The following CCSER1 variants were observed in gnomAD, a reference collection of about 807,000 sequenced individuals.
CCSER1 encodes serine-rich coiled-coil domain-containing protein 1.
Under a neutral mutation model 82.0 loss-of-function variants are expected in CCSER1, and 41 were observed. The observed-to-expected ratio is 0.50, with a 90% CI of 0.39 to 0.65. The LOEUF is 0.65. Ranked by LOEUF, CCSER1 falls within the 30% of genes least tolerant of loss-of-function variation. The pLI is 0.00. For synonymous variants in CCSER1, 414 were observed against 383.9 expected, an observed-to-expected ratio of 1.08 and a Z score of -0.92; for missense variants, 1,119 against 1,064.2, an observed-to-expected ratio of 1.05 and a Z score of -0.72.
At chr4:91,409,832 G>A (rs970309006) in intron 10 of CCSER1, among the ~76,000 whole-genome samples, 11 of 152,020 alleles carry the variant, frequency 7.2e-5, no homozygotes, top group Admixed American at 1.3e-4. Context: ...ACAGGCGCCT[G>A]CCACCATGAC....
chr4:90,404,078 G>C (rs951315030), intron 4 of CCSER1: 1 of 152,214 alleles, frequency 6.6e-6, no homozygotes, highest in Non-Finnish European at 1.5e-5. Context: ...TCTCAGTTCT[G>C]GTCACTGGCT....
chr4:90,959,622 G>A (rs1733862328), intron 9 of CCSER1, among the ~76,000 whole-genome samples: 1 of 151,938 alleles, frequency 6.6e-6, no homozygotes, highest in African/African-American at 2.4e-5. Context: ...GAGAAAACTA[G>A]GCATCATAGA....
chr4:91,213,292 C>T (rs551016109), intron 10 of CCSER1, among the ~76,000 whole-genome samples: 1 of 151,724 alleles, frequency 6.6e-6, no homozygotes, highest in African/African-American at 2.4e-5. Flanking sequence ...TTGTTTTGTT[C>T]TAGGGACTTG....
chr4:90,635,324 G>A (rs13133309), intron 6 of CCSER1, among the ~76,000 whole-genome samples: 17,816 of 151,454 alleles, frequency 0.12, 1,230 homozygotes, highest in Middle Eastern at 0.19. Context: ...CACACAATAA[G>A]TCCCATTAAA....
At chr4:91,194,535 G>T (rs1249799802) in intron 10 of CCSER1, among the ~76,000 whole-genome samples, 2 of 152,134 alleles carry the variant, frequency 1.3e-5, no homozygotes, top group East Asian at 3.9e-4. Context: ...TTTGGGATGG[G>T]AAAATTGAGA....
At chr4:91,006,369 T>G in intron 9 of CCSER1, among the ~76,000 whole-genome samples, 1 of 67,662 alleles carries the variant, frequency 1.5e-5, no homozygotes, top group Admixed American at 1.4e-4. Flanking sequence ...CTGAATTCAC[T>G]AGTTCTAACA....
At position 90,915,834 on chromosome 4, in the gene CCSER1, A is replaced by G. The variant is rs538269906; in HGVS notation, c.2095-7536A>G. ...AGCAAAGTCTCAGGATACAAAATCAATGTGCAAAAATCACAAGCATTCTTA... is the reference window on the plus strand; with the variant it reads ...AGCAAAGTCTCAGGATACAAAATCAGTGTGCAAAAATCACAAGCATTCTTA... On this transcript the variant is annotated intron_variant, in intron 8 of 10. Coordinates refer to ENST00000509176, the MANE Select transcript of CCSER1 (RefSeq NM_001145065.2). Among the ~76,000 whole-genome samples, 21 of 152,178 alleles carry G rather than the reference A, an allele frequency of 1.4e-4. No homozygotes were observed. The East Asian group carries it at 2.3e-3, about 17-fold the overall frequency.
intron 10 of CCSER1, among the ~76,000 whole-genome samples, chr4:91,446,597 G>C (rs1415744646): frequency 1.3e-5 from 2 of 149,142 alleles, no homozygotes; most frequent in Non-Finnish European, 3.0e-5. Flanking sequence ...GTGTGTGTGT[G>C]TGCATCTTTG....
chr4:91,312,049 CAT>C (rs764383097), intron 10 of CCSER1, among the ~76,000 whole-genome samples: 5 of 151,728 alleles, frequency 3.3e-5, no homozygotes, highest in Non-Finnish European at 4.4e-5. Flanking sequence ...AAACATCAAA[CAT>C]GTGAAAACTT....
At chr4:90,337,107 C>T (rs1870796) in intron 3 of CCSER1, among the ~76,000 whole-genome samples, 45,945 of 152,102 alleles carry the variant, frequency 0.3, 7,098 homozygotes, top group East Asian at 0.44. Context: ...CAGTTCTCTA[C>T]TCACTTCCAT....
At chr4:91,375,880 A>T (rs1194165770) in intron 10 of CCSER1, among the ~76,000 whole-genome samples, 4 of 152,144 alleles carry the variant, frequency 2.6e-5, no homozygotes, top group Non-Finnish European at 5.9e-5. Flanking sequence ...AAAATATTGC[A>T]TTATACCTCA....
At chr4:90,908,785 AAGGAG>A (rs1725887236) in intron 8 of CCSER1, among the ~76,000 whole-genome samples, 3 of 152,112 alleles carry the variant, frequency 2.0e-5, no homozygotes, top group African/African-American at 4.8e-5. Flanking sequence ...TGTGTTCAAG[AAGGAG>A]ACTGATGTGA....
chr4:90,998,587 T>C (rs1737711935), intron 9 of CCSER1, among the ~76,000 whole-genome samples: 1 of 152,194 alleles, frequency 6.6e-6, no homozygotes, highest in African/African-American at 2.4e-5. Context: ...TTATATGAAA[T>C]ACATAAAATT....
intron 7 of CCSER1, among the ~76,000 whole-genome samples, chr4:90,805,147 A>G (rs1757344399): frequency 6.6e-6 from 1 of 152,202 alleles, no homozygotes; most frequent in Admixed American, 6.5e-5. Flanking sequence ...AGTGGCTTAA[A>G]ACTATAATTT....
At position 90,339,527 on chromosome 4, in the gene CCSER1, T is replaced by C. The variant is rs183366243; in HGVS notation, c.1509+26480T>C. Among the ~76,000 whole-genome samples the C allele has an allele frequency of 9.7e-4, 148 of 152,308 alleles. 1 individual carries two copies. The highest frequency in any genetic ancestry group is 3.2e-3 in the African/African-American group (132 of 41,580). On this transcript the variant is annotated intron_variant, in intron 3 of 10. Transcript: ENST00000509176. ...CGCTCTCCAGTTATCTCCTATTATT[T>C]TACCTTCCTTTCGCTCCACTAACCA...
chr4:91,270,153 A>C (rs929046017), intron 10 of CCSER1, among the ~76,000 whole-genome samples: 3 of 152,188 alleles, frequency 2.0e-5, no homozygotes, highest in Non-Finnish European at 2.9e-5. Flanking sequence ...AAGCTTTTGG[A>C]TAAAGAGTTA....
intron 8 of CCSER1, among the ~76,000 whole-genome samples, chr4:90,825,691 A>T (rs1429036530): frequency 6.6e-6 from 1 of 151,710 alleles, no homozygotes; most frequent in Non-Finnish European, 1.5e-5. Flanking sequence ...GGCATGGCAA[A>T]ACAATTGGTA....
chr4:91,431,243 G>GCAA (rs751479669), intron 10 of CCSER1, among the ~76,000 whole-genome samples: 7 of 151,926 alleles, frequency 4.6e-5, no homozygotes, highest in African/African-American at 1.2e-4. Context: ...CTCAAAAACA[G>GCAA]CAACAACAAC....
intron 10 of CCSER1, among the ~76,000 whole-genome samples, chr4:91,320,809 G>A (rs1008584748): frequency 2.6e-5 from 4 of 151,932 alleles, no homozygotes; most frequent in South Asian, 2.1e-4. Context: ...TCTTTCTGCC[G>A]CAATTGATTT....
Sources: gnomAD v4.1 joint callset for allele counts (sites outside exome capture counted in the v4.1 genomes callset) on GRCh38, gnomAD v4.1.1 for gene constraint, MANE v1.5 for transcripts, NCBI Gene and HGNC (gene_info 2026-07-23, HGNC 2026-07-21) for gene names.